The following SLC12A7 variants were observed in gnomAD, a reference collection of about 807,000 sequenced individuals.
SLC12A7 encodes the protein K-Cl cotransporter 4.
In SLC12A7, 100 loss-of-function variants were observed where a neutral mutation model predicts 120.6. The ratio of observed to expected loss-of-function variants is 0.83; its 90% CI spans 0.71 to 0.98. The LOEUF is 0.98. Among genes scored for constraint, SLC12A7 ranks in the 50% least tolerant of loss-of-function variants. The pLI, the probability that SLC12A7 is intolerant of heterozygous loss-of-function variation, is 0.00. For missense variants in SLC12A7, 1,373 were observed against 1,548.1 expected, an observed-to-expected ratio of 0.89 and a Z score of 1.90; for synonymous variants, 760 against 678.0, an observed-to-expected ratio of 1.12 and a Z score of -1.88.
At chr5:1,069,172 C>T (rs527871364) in intron 17 of SLC12A7, among the ~76,000 whole-genome samples, 5 of 152,362 alleles carry the variant, frequency 3.3e-5, no homozygotes, top group East Asian at 1.9e-4. Context: ...CCTGGGAAGG[C>T]GAACCTGTGC....
At chr5:1,081,021 C>CAGAG (rs1204887395) in intron 9 of SLC12A7, among the ~76,000 whole-genome samples, 1 of 140,950 alleles carries the variant, frequency 7.1e-6, no homozygotes, top group African/African-American at 2.8e-5. Flanking sequence ...GACAGACAGA[C>CAGAG]AGAGAGAGAG....
chr5:1,080,935 T>C (rs1189153367), intron 9 of SLC12A7, among the ~76,000 whole-genome samples: 1 of 151,238 alleles, frequency 6.6e-6, no homozygotes, highest in Non-Finnish European at 1.5e-5. Flanking sequence ...CTCAGCCACT[T>C]CCCCTGAGCC....
intron 17 of SLC12A7, among the ~76,000 whole-genome samples, chr5:1,068,788 T>C (rs1737326650): frequency 6.6e-6 from 1 of 152,268 alleles, no homozygotes; most frequent in African/African-American, 2.4e-5. Flanking sequence ...AGCGCAGCTC[T>C]TCCCATGGCC....
chr5:1,081,001 G>C lies in SLC12A7; in HGVS notation c.1297+576C>G, dbSNP rs577143476. On this transcript the variant is annotated intron_variant, in intron 9 of 23. Transcript: ENST00000264930. ...AACACACTACAGAGAGAGAGACAGA[G>C]AGAGAGACAGACAGACAGACAGAGA... 7.3e-4 allele frequency among the ~76,000 whole-genome samples: 46 copies of C among 63,414 alleles called. No homozygotes were observed. The East Asian group carries it at 0.016, about 22-fold the overall frequency. 41.6% of individuals were successfully genotyped at this position (63,414 alleles called of 152,430 possible). A position where few individuals can be genotyped will look rare whatever the true frequency, so the allele number is the denominator to read the frequency against.
At chr5:1,121,529 G>A in the SLC12A7 span, among the ~76,000 whole-genome samples, 3 of 152,258 alleles carry the variant, frequency 2.0e-5, no homozygotes, top group African/African-American at 7.2e-5. Flanking sequence ...AGTAATCGTG[G>A]AAAGAGAAGG....
chr5:1,062,587 C>T (rs181129676), intron 20 of SLC12A7, among the ~76,000 whole-genome samples: 14 of 151,212 alleles, frequency 9.3e-5, no homozygotes, highest in Middle Eastern at 3.4e-3. Context: ...AGAAGGTTGT[C>T]GGTGAGGCAC....
In SLC12A7 at chr5:1,083,753, A is replaced by G. The variant is rs777874684; in HGVS notation, c.1121T>C (p.Val374Ala). 3.1e-6 allele frequency: 5 copies of G among 1,612,336 alleles called. No homozygotes were observed. The Admixed American group carries it at 5.0e-5, about 16-fold the overall frequency. The change falls in exon 8 of 24, where the codon GTC becomes GCC. Residue 374 changes from valine (V) to alanine (A), a missense_variant. Val to Ala is a moderately conservative substitution (Grantham distance 64). Transcript: ENST00000264930. ...AGCCCTGTGAGCCTCACCCAGGAAG[A>G]CACCACTGGCCGCGCCCGGGATGCC... Reference protein sequence around the residue: ...IQGIPGAASGVFLENLWSTYA... With the variant: ...IQGIPGAASGAFLENLWSTYA...
In SLC12A7 at chr5:1,078,012, A is replaced by G. The variant is rs1561064590; in HGVS notation, c.1455-5T>C. The G allele has an allele frequency of 1.3e-6, 2 of 1,556,202 alleles. No homozygotes were observed. Among genetic ancestry groups the G allele is most frequent in the South Asian group, 2.4e-5 (2 of 84,398 alleles). ...CCCTGCAGGGCCTCCCCGAACCTGC[A>G]GGCAGGCGGGCAGGCGGGCGGGCGG... On this transcript the variant is annotated splice_polypyrimidine_tract_variant and splice_region_variant and intron_variant, in intron 11 of 23. Transcript: ENST00000264930.
chr5:1,093,242 G>A (rs1297739032), intron 3 of SLC12A7, among the ~76,000 whole-genome samples: 4 of 152,182 alleles, frequency 2.6e-5, no homozygotes, highest in Admixed American at 1.3e-4. Flanking sequence ...AGGGGATGGG[G>A]CCGCTCCCGC....
At chr5:1,116,461 C>T (rs143721001), upstream of SLC12A7, among the ~76,000 whole-genome samples, 204 of 152,332 alleles carry the variant, frequency 1.3e-3, 2 homozygotes, top group Middle Eastern at 6.8e-3. Context: ...AGGGGCCTCC[C>T]CTCCCACAGA....
At position 1,089,228 on chromosome 5, in the gene SLC12A7, TGGGGGCAGGA is replaced by T. The variant is rs571127868; in HGVS notation, c.343-110_343-101del. Reference sequence around the variant, plus strand: ...AGGCCCTGGGCAGGCAAAGCGGCCGTGGGGGCAGGAGGGGGCAGGAGTCCTTCCCAGAACA... The same window carrying T: ...AGGCCCTGGGCAGGCAAAGCGGCCGTGGGGGCAGGAGTCCTTCCCAGAACA... On this transcript the variant is annotated intron_variant, in intron 3 of 23. Coordinates refer to ENST00000264930, the MANE Select transcript of SLC12A7 (RefSeq NM_006598.3). 1.7e-5 allele frequency: 24 copies of T among 1,386,244 alleles called. No homozygotes were observed. The South Asian group carries it at 1.7e-4, about 10-fold the overall frequency. The allele number at this position is 1,386,244 out of a possible 1,614,324, so 85.9% of individuals were successfully genotyped here. A position where few individuals can be genotyped will look rare whatever the true frequency, so the allele number is the denominator to read the frequency against.
intron 5 of SLC12A7, 90 bp downstream of exon 5, chr5:1,088,216 C>T: frequency 7.2e-7 from 1 of 1,380,884 alleles, no homozygotes; most frequent in Non-Finnish European, 1.0e-6. Flanking sequence ...CCGGCCCGGC[C>T]TCGCCAAGCG....
chr5:1,137,101 G>A, the SLC12A7 span, among the ~76,000 whole-genome samples: 4 of 152,132 alleles, frequency 2.6e-5, no homozygotes, highest in East Asian at 7.7e-4. Flanking sequence ...TCCCAGCCCA[G>A]AGCTGGCTGC....
At chr5:1,064,639 A>AGT (rs1491482989) in intron 18 of SLC12A7, among the ~76,000 whole-genome samples, 17 of 148,040 alleles carry the variant, frequency 1.1e-4, no homozygotes, top group Non-Finnish European at 2.1e-4. Flanking sequence ...GCGAGGAGAC[A>AGT]GAGGGGACGG....
At chr5:1,130,515 CGT>C in the SLC12A7 span, among the ~76,000 whole-genome samples, 2 of 152,306 alleles carry the variant, frequency 1.3e-5, no homozygotes, top group Non-Finnish European at 2.9e-5. Flanking sequence ...GCTGCACACG[CGT>C]GTCCCCTCAC....
chr5:1,154,011 G>A, the SLC12A7 span, among the ~76,000 whole-genome samples: 1 of 152,036 alleles, frequency 6.6e-6, no homozygotes, highest in Non-Finnish European at 1.5e-5. Context: ...TAGAAGGGCA[G>A]GTGTCTCGTC....
At chr5:1,085,623 G>C in intron 6 of SLC12A7, 150 bp from the exon 7 acceptor site, 1 of 1,194,250 alleles carries the variant, frequency 8.4e-7, no homozygotes, top group Non-Finnish European at 1.1e-6. Flanking sequence ...AGCCCGCGGG[G>C]GTCAGCGCAC....
At chr5:1,096,782 AGGGAGGGAAGGAAGG>A (rs1329310883) in intron 1 of SLC12A7, among the ~76,000 whole-genome samples, 4 of 13,516 alleles carry the variant, frequency 3.0e-4, no homozygotes, top group African/African-American at 6.1e-4. Flanking sequence ...GGAGGGGGGG[AGGGAGGGAAGGAAGG>A]AGGGAGGGAA....
the SLC12A7 span, among the ~76,000 whole-genome samples, chr5:1,123,430 C>A: frequency 6.6e-6 from 1 of 152,194 alleles, no homozygotes; most frequent in East Asian, 1.9e-4. Context: ...CTCCTGGAGG[C>A]GCACTAGAGC....
Sources: allele counts gnomAD v4.1 joint callset (sites outside exome capture counted in the v4.1 genomes callset), GRCh38; gene constraint gnomAD v4.1.1; transcripts MANE v1.5; gene names NCBI Gene and HGNC (gene_info 2026-07-23, HGNC 2026-07-21).